CCDC91: variants seen among roughly 807,000 people sequenced by gnomAD.
CCDC91 encodes coiled-coil domain containing 91, also known as coiled-coil domain-containing protein 91.
Under a neutral mutation model 63.2 loss-of-function variants are expected in CCDC91, and 48 were observed. That is an observed-to-expected ratio of 0.76 (90% CI 0.60 to 0.97). The LOEUF is 0.97. Among genes scored for constraint, CCDC91 ranks in the 50% least tolerant of loss-of-function variants. CCDC91 has a pLI of 0.00. For synonymous variants in CCDC91, 167 were observed against 165.8 expected, an observed-to-expected ratio of 1.01 and a Z score of -0.06; for missense variants, 500 against 494.6, an observed-to-expected ratio of 1.01 and a Z score of -0.10.
At chr12:28,456,416 T>C (rs1437446329) in intron 11 of CCDC91, among the ~76,000 whole-genome samples, 2 of 152,128 alleles carry the variant, frequency 1.3e-5, no homozygotes, top group African/African-American at 2.4e-5. Flanking sequence ...TCAGTAAATT[T>C]TCATTTCATA....
chr12:28,347,780 A>G (rs1014285325), intron 6 of CCDC91, among the ~76,000 whole-genome samples: 2 of 152,244 alleles, frequency 1.3e-5, no homozygotes, highest in Admixed American at 6.5e-5. Flanking sequence ...ATATTTTTAA[A>G]AAGTGATTTG....
intron 11 of CCDC91, among the ~76,000 whole-genome samples, chr12:28,459,856 C>G (rs11049629): frequency 0.21 from 31,727 of 152,054 alleles, 4,337 homozygotes; most frequent in Non-Finnish European, 0.31. Context: ...TTTTAAAAGA[C>G]ACATTTCCAA....
chr12:28,304,644 T>C, intron 3 of CCDC91: 1 of 1,272,112 alleles, frequency 7.9e-7, no homozygotes, highest in Non-Finnish European at 1.0e-6. Flanking sequence ...GCAATTTTCA[T>C]TGTGAGCTGC....
At chr12:28,257,111 CA>C in intron 1 of CCDC91, 90 bp from the exon 2 acceptor site, 2 of 736,304 alleles carry the variant, frequency 2.7e-6, no homozygotes, top group Non-Finnish European at 4.6e-6. Flanking sequence ...TTCTAATTTA[CA>C]AATAAATATG....
intron 12 of CCDC91, among the ~76,000 whole-genome samples, chr12:28,526,716 T>C (rs1347391843): frequency 6.6e-6 from 1 of 152,088 alleles, no homozygotes; most frequent in Non-Finnish European, 1.5e-5. Flanking sequence ...CTTTTAGTTT[T>C]CTCTTCCTCC....
chr12:28,274,278 G>A (rs1322877595), intron 3 of CCDC91, among the ~76,000 whole-genome samples: 1 of 152,148 alleles, frequency 6.6e-6, no homozygotes, highest in Non-Finnish European at 1.5e-5. Context: ...GTAGCATGAT[G>A]CCTCCAGCTT....
At chr12:28,301,158 G>A (rs1339533263) in intron 3 of CCDC91, among the ~76,000 whole-genome samples, 1 of 151,194 alleles carries the variant, frequency 6.6e-6, no homozygotes, top group Non-Finnish European at 1.5e-5. Context: ...TCATCTTTAC[G>A]GAAACACCTT....
In CCDC91 at chr12:28,237,268, T is replaced by TCACACACACACAC. The variant is rs1945023187; in HGVS notation, c.-14-19934_-14-19933insCACACACACACAC. On this transcript the variant is annotated intron_variant, in intron 1 of 12. Coordinates refer to ENST00000536442, the MANE Select transcript of CCDC91 (RefSeq NM_018318.5). ...CACACACACACACACACACACACAT[T>TCACACACACACAC]TTTTAAAAAAAGTTGTTGTAGGCAG... 6.8e-4 allele frequency among the ~76,000 whole-genome samples: 12 copies of TCACACACACACAC among 17,700 alleles called. No individual in the cohort carries two copies. In the Admixed American group the frequency reaches 6.9e-3, roughly 10 times the overall value. 11.6% of individuals were successfully genotyped at this position (17,700 alleles called of 152,430 possible).
chr12:28,477,822 GACAA>G (rs1230689096), intron 11 of CCDC91, among the ~76,000 whole-genome samples: 51 of 152,208 alleles, frequency 3.4e-4, no homozygotes, highest in East Asian at 5.8e-4. Context: ...ACCAATAACA[GACAA>G]ACAGAGAGCC....
At chr12:28,232,841 C>T (rs1396003349) in intron 1 of CCDC91, among the ~76,000 whole-genome samples, 1 of 151,750 alleles carries the variant, frequency 6.6e-6, no homozygotes, top group East Asian at 1.9e-4. Context: ...ATTAGCTGGG[C>T]GTGTTGGTGC....
At chr12:28,496,464 C>A (rs1952286679) in intron 12 of CCDC91, among the ~76,000 whole-genome samples, 1 of 151,596 alleles carries the variant, frequency 6.6e-6, no homozygotes, top group African/African-American at 2.4e-5. Flanking sequence ...GCAGGGGAAT[C>A]ATACCTCATA....
rs868561486 is a variant in CCDC91 at position 28,376,309 on chromosome 12, T to C, written c.654+13794T>C. On this transcript the variant is annotated intron_variant, in intron 7 of 12. Coordinates refer to ENST00000536442, the MANE Select transcript of CCDC91 (RefSeq NM_018318.5). ...TGTGCATACGTGTATGTGCTTATAT[T>C]GTATCCCATTGAAATTACTGAGAAT... Among the ~76,000 whole-genome samples the C allele has an allele frequency of 5.2e-4, 79 of 151,902 alleles. 1 individual carries two copies. The highest frequency in any genetic ancestry group is 1.8e-3 in the African/African-American group (76 of 41,534).
chr12:28,479,688 G>C lies in CCDC91; in HGVS notation c.1102-4364G>C, dbSNP rs1312887483. Among the ~76,000 whole-genome samples, 6 of 151,912 alleles carry C rather than the reference G, an allele frequency of 3.9e-5. 1 individual carries two copies. In the East Asian group the frequency reaches 1.2e-3, roughly 29 times the overall value. ...TTACAAACACAGATACAAATTTCTGGCATATATACCCTAGATCAGAGTTGT... is the reference window on the plus strand; with the variant it reads ...TTACAAACACAGATACAAATTTCTGCCATATATACCCTAGATCAGAGTTGT... On this transcript the variant is annotated intron_variant, in intron 11 of 12. Coordinates refer to ENST00000536442, the MANE Select transcript of CCDC91 (RefSeq NM_018318.5).
At chr12:28,218,097 T>C (rs896936586) in intron 1 of CCDC91, among the ~76,000 whole-genome samples, 3 of 152,208 alleles carry the variant, frequency 2.0e-5, no homozygotes, top group Non-Finnish European at 2.9e-5. Context: ...GATATCCTTT[T>C]TTTAAGCTTA....
At chr12:28,406,348 T>G (rs1363885508) in intron 8 of CCDC91, among the ~76,000 whole-genome samples, 1 of 152,146 alleles carries the variant, frequency 6.6e-6, no homozygotes, top group African/African-American at 2.4e-5. Context: ...TATGGACTCA[T>G]GCTTTTATTT....
rs543237332 is a variant in CCDC91, at chr12:28,366,440, A to G, written c.654+3925A>G. Among the ~76,000 whole-genome samples the G allele has an allele frequency of 3.9e-5, 6 of 152,338 alleles. No homozygotes were observed. The South Asian group carries it at 8.3e-4, about 21-fold the overall frequency. On this transcript the variant is annotated intron_variant, in intron 7 of 12. Coordinates refer to ENST00000536442, the MANE Select transcript of CCDC91 (RefSeq NM_018318.5). ...AAAACTATTAGATAATACCCATTCTACTTCCACCAAGTACCATAGGAAGAA... is the reference window on the plus strand; with the variant it reads ...AAAACTATTAGATAATACCCATTCTGCTTCCACCAAGTACCATAGGAAGAA...
At chr12:28,204,696 T>C (rs1942714089) in intron 1 of CCDC91, among the ~76,000 whole-genome samples, 1 of 152,180 alleles carries the variant, frequency 6.6e-6, no homozygotes, top group Non-Finnish European at 1.5e-5. Flanking sequence ...TATTTACTTA[T>C]TTGTTACCAG....
intron 1 of CCDC91, among the ~76,000 whole-genome samples, chr12:28,215,229 C>T (rs1398628843): frequency 6.6e-6 from 1 of 152,152 alleles, no homozygotes; most frequent in African/African-American, 2.4e-5. Context: ...CATCAGCTTT[C>T]CTTGTTGTCA....
intron 8 of CCDC91, among the ~76,000 whole-genome samples, chr12:28,431,644 G>A (rs1453200778): frequency 6.6e-6 from 1 of 151,978 alleles, no homozygotes; most frequent in Non-Finnish European, 1.5e-5. Flanking sequence ...AATGGAAAGT[G>A]CAGAAAGTTC....
Sources: allele counts gnomAD v4.1 joint callset (sites outside exome capture counted in the v4.1 genomes callset), GRCh38; gene constraint gnomAD v4.1.1; transcripts MANE v1.5; gene names NCBI Gene and HGNC (gene_info 2026-07-23, HGNC 2026-07-21).